Variants in ISM1 observed in about 807,000 individuals in gnomAD.
ISM1 encodes isthmin 1.
A neutral mutation model predicts 46.3 loss-of-function variants in ISM1; 25 were observed. The ratio of observed to expected loss-of-function variants is 0.54; its 90% CI spans 0.39 to 0.75. The LOEUF (loss-of-function observed/expected upper bound fraction) is 0.75. Ranked by LOEUF, ISM1 falls within the 30% of genes least tolerant of loss-of-function variation. The probability of loss-of-function intolerance (pLI) is 0.00; values close to 1 mark genes in which losing one functional copy is unlikely to be tolerated. For synonymous variants in ISM1, 255 were observed against 256.7 expected (o/e 0.99, Z 0.06); for missense variants, 536 against 625.4 (o/e 0.86, Z 1.52).
chr20:13,253,526 G>A (rs1191641996), intron 1 of ISM1, among the ~76,000 whole-genome samples: 1 of 152,152 alleles, frequency 6.6e-6, no homozygotes, highest in African/African-American at 2.4e-5. Flanking sequence ...ATCAGCCACT[G>A]TTCCTCACCT....
the ISM1 span, among the ~76,000 whole-genome samples, chr20:13,314,374 C>G: frequency 6.6e-6 from 1 of 151,384 alleles, no homozygotes; most frequent in South Asian, 2.1e-4. Context: ...CCAAAAGAAG[C>G]CAAAGGGAAA....
At chr20:13,224,075 G>A (rs548466295) in intron 1 of ISM1, among the ~76,000 whole-genome samples, 2 of 152,168 alleles carry the variant, frequency 1.3e-5, no homozygotes, top group African/African-American at 4.8e-5. Context: ...ACAAATGGGG[G>A]ATTTAGAAAG....
At chr20:13,270,101 A>G in intron 1 of ISM1, among the ~76,000 whole-genome samples, 1 of 152,238 alleles carries the variant, frequency 6.6e-6, no homozygotes, top group East Asian at 1.9e-4. Context: ...AGCCTACACA[A>G]AAGAAACCAA....
intron 1 of ISM1, among the ~76,000 whole-genome samples, chr20:13,264,322 T>C (rs1246446323): frequency 6.6e-6 from 1 of 152,218 alleles, no homozygotes; most frequent in East Asian, 1.9e-4. Context: ...TACTGATTTG[T>C]GCCTCTTCTG....
At chr20:13,314,840 C>T in the ISM1 span, among the ~76,000 whole-genome samples, 18,426 of 152,034 alleles carry the variant, frequency 0.12, 1,238 homozygotes, top group Admixed American at 0.18. Context: ...TATGTTTATA[C>T]ATGCATGTAT....
At chr20:13,280,393 C>CT (rs1262687402) in intron 3 of ISM1, among the ~76,000 whole-genome samples, 29 of 27,886 alleles carry the variant, frequency 1.0e-3, no homozygotes, top group Non-Finnish European at 1.2e-4. Flanking sequence ...TCAAAGTAAC[C>CT]CCCCCCCCCC....
At position 13,226,858 on chromosome 20, in the gene ISM1, T is replaced by C. The variant is rs1161911959; in HGVS notation, c.138+4944T>C. ...AACCATGTGGTTGCTTAGATTCTAG[T>C]GGACAAGAAATAGTTTCCACTTCTT... On this transcript the variant is annotated intron_variant, in intron 1 of 5. Transcript: ENST00000262487. Among the ~76,000 whole-genome samples the C allele has an allele frequency of 5.3e-5, 8 of 152,322 alleles. No homozygotes were observed. The East Asian group carries it at 9.6e-4, about 18-fold the overall frequency.
chr20:13,238,484 G>T (rs189698514), intron 1 of ISM1, among the ~76,000 whole-genome samples: 51 of 152,118 alleles, frequency 3.4e-4, no homozygotes, highest in Admixed American at 2.6e-3. Flanking sequence ...CTCCTGGATC[G>T]ATTATACATA....
chr20:13,282,741 A>C (rs1276079211), intron 3 of ISM1, among the ~76,000 whole-genome samples: 1 of 152,250 alleles, frequency 6.6e-6, no homozygotes, highest in African/African-American at 2.4e-5. Flanking sequence ...CCTCTAAAGC[A>C]GTGCTTCTCA....
chr20:13,324,862 G>C, the ISM1 span, among the ~76,000 whole-genome samples: 14 of 152,186 alleles, frequency 9.2e-5, no homozygotes, highest in Non-Finnish European at 7.3e-5. Context: ...TTTTCTGGAT[G>C]AGAAAATTAA....
chr20:13,319,651 T>C, the ISM1 span, among the ~76,000 whole-genome samples: 1 of 152,234 alleles, frequency 6.6e-6, no homozygotes, highest in South Asian at 2.1e-4. Flanking sequence ...TCCAGAGTTC[T>C]AAGGTTGCTA....
At chr20:13,293,207 CAAAA>C (rs397865981) in intron 5 of ISM1, among the ~76,000 whole-genome samples, 1 of 87,438 alleles carries the variant, frequency 1.1e-5, no homozygotes, top group Non-Finnish European at 2.4e-5. Context: ...GACTCCGTCT[CAAAA>C]AAAAAAAAAA....
rs151217645 is a variant in ISM1, at chr20:13,285,211, A to G, written c.644-3329A>G. Among the ~76,000 whole-genome samples, 391 of 152,284 alleles carry G rather than the reference A, an allele frequency of 2.6e-3. 1 individual carries two copies. Among genetic ancestry groups the G allele is most frequent in the Non-Finnish European group, 4.8e-3 (326 of 68,010 alleles). ...GAGGCTGAGGCAAGAGGATTGCTTGAGCCCAGGAATTCAGGGCTGCAATGA... is the reference window on the plus strand; with the variant it reads ...GAGGCTGAGGCAAGAGGATTGCTTGGGCCCAGGAATTCAGGGCTGCAATGA... On this transcript the variant is annotated intron_variant, in intron 3 of 5. Coordinates refer to ENST00000262487, the MANE Select transcript of ISM1 (RefSeq NM_080826.2).
chr20:13,224,050 C>T (rs1428399002), intron 1 of ISM1, among the ~76,000 whole-genome samples: 1 of 151,966 alleles, frequency 6.6e-6, no homozygotes, highest in African/African-American at 2.4e-5. Flanking sequence ...TGAAGAACTG[C>T]CCCAAGAGGA....
chr20:13,279,986 A>G (rs1347975006), intron 3 of ISM1, 88 bp downstream of exon 3: 1 of 1,304,608 alleles, frequency 7.7e-7, no homozygotes, highest in African/African-American at 1.5e-5. Flanking sequence ...AACCCTGCTT[A>G]GAGCATGTGG....
chr20:13,233,477 C>T (rs2039612982), intron 1 of ISM1, among the ~76,000 whole-genome samples: 1 of 151,790 alleles, frequency 6.6e-6, no homozygotes, highest in African/African-American at 2.4e-5. Context: ...TTCCTGTAAT[C>T]CCAGCTACTC....
chr20:13,268,654 C>A (rs1471047945), intron 1 of ISM1, among the ~76,000 whole-genome samples: 3 of 152,208 alleles, frequency 2.0e-5, no homozygotes, highest in Non-Finnish European at 4.4e-5. Flanking sequence ...CAGACGAGGT[C>A]TCTATCTCCA....
At chr20:13,222,190 G>A (rs899990119) in intron 1 of ISM1, among the ~76,000 whole-genome samples, 3 of 152,176 alleles carry the variant, frequency 2.0e-5, no homozygotes, top group Non-Finnish European at 2.9e-5. Context: ...GAGGTGGGAA[G>A]GAGCGAGGTT....
chr20:13,313,127 G>T, the ISM1 span, among the ~76,000 whole-genome samples: 1 of 152,260 alleles, frequency 6.6e-6, no homozygotes, highest in East Asian at 1.9e-4. Context: ...CCGCATCCAG[G>T]TCTGCCCACA....
Sources: allele counts gnomAD v4.1 joint callset (sites outside exome capture counted in the v4.1 genomes callset), GRCh38; gene constraint gnomAD v4.1.1; transcripts MANE v1.5; gene names NCBI Gene and HGNC (gene_info 2026-07-23, HGNC 2026-07-21).